The following DARS2 variants were observed in gnomAD, a reference collection of about 807,000 sequenced individuals.
DARS2 encodes the protein aspartate--tRNA ligase, mitochondrial.
In DARS2, 63 loss-of-function variants were observed where a neutral mutation model predicts 83.0. That is an observed-to-expected ratio of 0.76 (90% CI 0.62 to 0.94). The LOEUF is 0.94. Among genes scored for constraint, DARS2 ranks in the 40% least tolerant of loss-of-function variants. The probability of loss-of-function intolerance (pLI) is 0.00; values close to 1 mark genes in which losing one functional copy is unlikely to be tolerated. For synonymous variants in DARS2, 250 were observed against 269.3 expected (o/e 0.93, Z 0.70); for missense variants, 675 against 774.4 (o/e 0.87, Z 1.52).
At chr1:173,826,876 A>C (rs1388907366) in intron 2 of DARS2, 90 bp downstream of exon 2, 1 of 1,005,894 alleles carries the variant, frequency 9.9e-7, no homozygotes, top group African/African-American at 1.6e-5. Context: ...AGTCCGAAGA[A>C]TAAAACGTTT....
chr1:173,836,052 G>A (rs1419570118), intron 7 of DARS2, among the ~76,000 whole-genome samples: 10 of 150,122 alleles, frequency 6.7e-5, no homozygotes, highest in Non-Finnish European at 7.4e-5. Context: ...GCAAGACTCC[G>A]TCTCAAAAAA....
intron 5 of DARS2, among the ~76,000 whole-genome samples, chr1:173,832,876 G>T (rs761579624): frequency 6.6e-6 from 1 of 151,704 alleles, no homozygotes; most frequent in Non-Finnish European, 1.5e-5. Context: ...TGTAGTCAGC[G>T]TCCCATTCAG....
At chr1:173,837,111 A>G (rs1653034003) in intron 8 of DARS2, 65 bp downstream of exon 8, 6 of 1,400,174 alleles carry the variant, frequency 4.3e-6, no homozygotes, top group Non-Finnish European at 6.1e-6. Flanking sequence ...GAAAAAAGGA[A>G]ACACAAAATC....
rs1653032493 is a variant in DARS2, at chr1:173,837,064, T to C, written c.770+18T>C. ...TTAGACAGGTGAGCTTTTTTTATGC[T>C]AGCAGTTGTCAGAAAAGGAAAAGAG... On this transcript the variant is annotated intron_variant, in intron 8 of 16. Transcript: ENST00000649689. 1 of 1,592,126 alleles carries C rather than the reference T, an allele frequency of 6.3e-7. No individual in the cohort carries two copies. The highest frequency in any genetic ancestry group is 1.3e-5 in the African/African-American group (1 of 74,360).
intron 13 of DARS2, chr1:173,852,343 C>A: frequency 1.5e-6 from 1 of 676,144 alleles, no homozygotes; most frequent in Non-Finnish European, 1.8e-6. Context: ...ATCCTCATGC[C>A]AACCCTATGA....
At position 173,825,070 on chromosome 1, in the gene DARS2, C is replaced by T. The variant is rs1652420379; in HGVS notation, c.-160C>T. 9.8e-7 allele frequency: 1 copy of T among 1,018,772 alleles called. No homozygotes were observed. The highest frequency in any genetic ancestry group is 1.5e-6 in the Non-Finnish European group (1 of 681,000). 63.1% of individuals were successfully genotyped at this position (1,018,772 alleles called of 1,614,324 possible). A position where few individuals can be genotyped will look rare whatever the true frequency, so the allele number is the denominator to read the frequency against. On this transcript the variant is annotated 5_prime_UTR_variant, in exon 1 of 17. Transcript: ENST00000649689. ...CTTGGAGATTTGTCTTGTTTCTAGA[C>T]ACGTGTACTCCAATGTTGTGCGGAG...
intron 12 of DARS2, among the ~76,000 whole-genome samples, chr1:173,845,546 C>T (rs1006047072): frequency 6.6e-6 from 1 of 152,196 alleles, no homozygotes; most frequent in African/African-American, 2.4e-5. Flanking sequence ...ATGCTCCTGC[C>T]TCTTTCTCTC....
chr1:173,825,727 C>T (rs1387669181), intron 1 of DARS2, among the ~76,000 whole-genome samples: 3 of 151,158 alleles, frequency 2.0e-5, no homozygotes, highest in Non-Finnish European at 4.4e-5. Flanking sequence ...CCTCCGCCTC[C>T]CATAGTGCTG....
At chr1:173,834,789 T>TG (rs1652942009) in intron 7 of DARS2, among the ~76,000 whole-genome samples, 1 of 137,290 alleles carries the variant, frequency 7.3e-6, no homozygotes, top group Non-Finnish European at 1.5e-5. Flanking sequence ...TTTGTTTTTT[T>TG]TTTTTTTTTG....
intron 6 of DARS2, among the ~76,000 whole-genome samples, chr1:173,834,092 A>C (rs1272985189): frequency 1.3e-5 from 2 of 152,174 alleles, no homozygotes; most frequent in Admixed American, 6.5e-5. Flanking sequence ...ATGTGCATAC[A>C]TCACTTATTG....
At chr1:173,847,844 C>CTTTTTTTT (rs1160841148) in intron 12 of DARS2, among the ~76,000 whole-genome samples, 2 of 78,616 alleles carry the variant, frequency 2.5e-5, no homozygotes, top group Non-Finnish European at 4.4e-5. Flanking sequence ...CTTTCTGAAC[C>CTTTTTTTT]TTTTTTTTTT....
intron 7 of DARS2, among the ~76,000 whole-genome samples, chr1:173,836,232 T>G (rs1292371371): frequency 6.6e-6 from 1 of 150,788 alleles, no homozygotes; most frequent in Non-Finnish European, 1.5e-5. Flanking sequence ...AAAGAAATTT[T>G]TTTTAATAAA....
chr1:173,830,871 A>G lies in DARS2; in HGVS notation c.396+110A>G, dbSNP rs544459365. 10 of 808,824 alleles carry G rather than the reference A, an allele frequency of 1.2e-5. No individual in the cohort carries two copies. The South Asian group carries it at 1.3e-4, about 10-fold the overall frequency. 50.1% of individuals were successfully genotyped at this position (808,824 alleles called of 1,614,324 possible). On this transcript the variant is annotated intron_variant, in intron 4 of 16. Transcript: ENST00000649689. ...GACATTAGGCACTAAAGTTGAATAA[A>G]TTCTACAAATGAACTGACAGATTTC...
Position 173,853,788 on chromosome 1 carries a change from C to G in DARS2, c.1564-7C>G. ...TCTCTAACATAAAGTATCTGTGAAT[C>G]TTCTAGGCCCGTAGCCAACACTATG... On this transcript the variant is annotated splice_polypyrimidine_tract_variant and splice_region_variant and intron_variant, in intron 14 of 16. Transcript: ENST00000649689. The G allele has an allele frequency of 6.2e-7, 1 of 1,611,848 alleles. No homozygotes were observed. The highest frequency in any genetic ancestry group is 8.5e-7 in the Non-Finnish European group (1 of 1,177,962).
intron 11 of DARS2, among the ~76,000 whole-genome samples, chr1:173,842,317 T>G (rs56355601): frequency 0.38 from 44,004 of 116,180 alleles, 10,027 homozygotes; most frequent in African/African-American, 0.59. Flanking sequence ...TTTTTTTTTT[T>G]AGAGTGAGTC....
intron 7 of DARS2, among the ~76,000 whole-genome samples, chr1:173,836,366 C>T (rs149504331): frequency 0.041 from 6,152 of 151,892 alleles, 434 homozygotes; most frequent in African/African-American, 0.14. Flanking sequence ...ATGGCGAAAC[C>T]CCGTCTCTAC....
intron 11 of DARS2, among the ~76,000 whole-genome samples, chr1:173,842,248 T>C (rs1434168600): frequency 1.4e-5 from 2 of 148,014 alleles, no homozygotes; most frequent in Non-Finnish European, 3.0e-5. Flanking sequence ...ATATTCAGAA[T>C]GGAGTAAGAA....
intron 7 of DARS2, among the ~76,000 whole-genome samples, chr1:173,835,126 T>TTGTTTC (rs1355070298): frequency 3.3e-5 from 5 of 150,876 alleles, no homozygotes; most frequent in African/African-American, 7.3e-5. Context: ...TTGGTATTTT[T>TTGTTTC]TGTTTTTGTT....
intron 12 of DARS2, among the ~76,000 whole-genome samples, chr1:173,847,700 T>G (rs1429874624): frequency 6.6e-6 from 1 of 152,130 alleles, no homozygotes; most frequent in African/African-American, 2.4e-5. Flanking sequence ...GTATCTCTGT[T>G]TTTGGAAATA....
Sources: allele counts gnomAD v4.1 joint callset (sites outside exome capture counted in the v4.1 genomes callset), GRCh38; gene constraint gnomAD v4.1.1; transcripts MANE v1.5; gene names NCBI Gene and HGNC (gene_info 2026-07-23, HGNC 2026-07-21).